Variants in MIA2 observed in about 807,000 individuals in gnomAD.
The protein encoded by MIA2 is MIA SH3 domain ER export factor 2.
MIA2 carries 127 observed loss-of-function variants against 167.8 expected under a neutral mutation model. That is an observed-to-expected ratio of 0.76 (90% CI 0.66 to 0.88). The LOEUF (loss-of-function observed/expected upper bound fraction) is 0.88, where lower values mean the gene tolerates loss of function less well. Ranked by LOEUF, MIA2 falls within the 40% of genes least tolerant of loss-of-function variation. The pLI is 0.00. For synonymous variants in MIA2, 552 were observed against 541.9 expected (o/e 1.02, Z -0.26); for missense variants, 1,690 against 1,624.7 (o/e 1.04, Z -0.69).
intron 9 of MIA2, among the ~76,000 whole-genome samples, chr14:39,281,243 ACT>A (rs1220830990): frequency 4.0e-5 from 6 of 151,176 alleles, no homozygotes; most frequent in African/African-American, 9.7e-5. Context: ...GTTTTGAAAC[ACT>A]CTTGATTGTT....
At chr14:39,278,463 G>GT (rs2058481851) in intron 7 of MIA2, among the ~76,000 whole-genome samples, 1 of 152,010 alleles carries the variant, frequency 6.6e-6, no homozygotes, top group African/African-American at 2.4e-5. Context: ...TCTTTTAAAG[G>GT]TTTTCCCTTT....
At chr14:39,241,588 G>A (rs2054041077) in intron 3 of MIA2, among the ~76,000 whole-genome samples, 1 of 152,196 alleles carries the variant, frequency 6.6e-6, no homozygotes, top group Non-Finnish European at 1.5e-5. Flanking sequence ...ACCAATGGCT[G>A]GGACTACAGG....
In MIA2 at chr14:39,386,136, A is replaced by C; in HGVS notation, c.2249-749A>C. On this transcript the variant is annotated intron_variant, in intron 23 of 23. Coordinates refer to the MIA2 transcript ENST00000341502. Reference sequence around the variant, plus strand: ...TCAAGCATTGGTCATCTGACTCTGAACTAGAGTCTGAAATAGGAAGATGTT... The same window carrying C: ...TCAAGCATTGGTCATCTGACTCTGACCTAGAGTCTGAAATAGGAAGATGTT... The C allele has an allele frequency of 2.3e-6, 3 of 1,320,260 alleles. No homozygotes were observed. In the Admixed American group the frequency reaches 5.1e-5, roughly 23 times the overall value. The allele number at this position is 1,320,260 out of a possible 1,614,324, so 81.8% of individuals were successfully genotyped here.
intron 23 of MIA2, among the ~76,000 whole-genome samples, chr14:39,376,346 CATG>C (rs1399788120): frequency 1.3e-5 from 2 of 152,246 alleles, no homozygotes. Context: ...ATGAGTTTAA[CATG>C]ATAAATTATT....
intron 25 of MIA2, among the ~76,000 whole-genome samples, chr14:39,336,995 G>A (rs1196420112): frequency 6.6e-6 from 1 of 152,048 alleles, no homozygotes; most frequent in African/African-American, 2.4e-5. Flanking sequence ...GCCTCAGGTG[G>A]TCCTCCCTCC....
chr14:39,336,363 A>G (rs1384821347), intron 25 of MIA2, among the ~76,000 whole-genome samples: 4 of 152,226 alleles, frequency 2.6e-5, no homozygotes, highest in Non-Finnish European at 1.5e-5. Context: ...AGGTTTTATT[A>G]GCAAGTATAC....
rs148909883 is a variant in MIA2 at position 39,335,259 on chromosome 14, A to C, written c.3655+8237A>C. On this transcript the variant is annotated intron_variant, in intron 25 of 28. Coordinates refer to ENST00000640607, the MANE Select transcript of MIA2 (RefSeq NM_001329214.4). ...TAAAATATTTTAGTTTAAAATACTT[A>C]TGTTAAAAAAATATGACAACTAAAA... Among the ~76,000 whole-genome samples the C allele has an allele frequency of 2.8e-4, 43 of 152,284 alleles. No homozygotes were observed. The East Asian group carries it at 7.7e-3, about 27-fold the overall frequency.
intron 3 of MIA2, among the ~76,000 whole-genome samples, chr14:39,242,564 C>A (rs982664888): frequency 6.6e-6 from 1 of 151,700 alleles, no homozygotes; most frequent in Non-Finnish European, 1.5e-5. Flanking sequence ...CTCAAGTGAT[C>A]CACTTGCCTC....
rs773325545 is a variant in MIA2, at chr14:39,304,400, T to TA, written c.2878+20dup. On this transcript the variant is annotated intron_variant, in intron 17 of 28. Transcript: ENST00000640607. ...CTTACAGGTAGGTCATTGACATACA[T>TA]ACTTTTAATGTTTTTCTAAGTAAGT... is the stretch of plus-strand genomic sequence containing the variant. 8 of 1,341,146 alleles carry TA rather than the reference T, an allele frequency of 6.0e-6. No homozygotes were observed. The African/African-American group carries it at 1.1e-4, about 18-fold the overall frequency. 83.1% of individuals were successfully genotyped at this position (1,341,146 alleles called of 1,614,324 possible). A position where few individuals can be genotyped will look rare whatever the true frequency, so the allele number is the denominator to read the frequency against.
chr14:39,286,028 C>T (rs1477153015), intron 9 of MIA2, among the ~76,000 whole-genome samples: 3 of 152,240 alleles, frequency 2.0e-5, no homozygotes, highest in Non-Finnish European at 2.9e-5. Context: ...ACGCTCTTCA[C>T]TTCCCAGACG....
chr14:39,291,352 A>G (rs1441365513), intron 10 of MIA2, among the ~76,000 whole-genome samples: 1 of 152,156 alleles, frequency 6.6e-6, no homozygotes, highest in East Asian at 1.9e-4. Flanking sequence ...AGGAATCAGG[A>G]GCTGTATAGA....
chr14:39,297,672 T>TGTGTGTGTGTGTGC (rs1164818041), intron 13 of MIA2, among the ~76,000 whole-genome samples: 13 of 150,542 alleles, frequency 8.6e-5, no homozygotes. Flanking sequence ...TTTGCGTGTG[T>TGTGTGTGTGTGTGC]GTGTGTGTGT....
rs1340837068 is a variant in MIA2 at position 39,313,419 on chromosome 14, A to G, written c.3097A>G (p.Thr1033Ala). 1.9e-6 allele frequency: 3 copies of G among 1,602,332 alleles called. No individual in the cohort carries two copies. The highest frequency in any genetic ancestry group is 2.6e-6 in the Non-Finnish European group (3 of 1,174,302). ...SKVDEKISHA[T>A]EELETYRKRA... ...AGTAGATGAAAAGATCAGCCATGCC[A>G]CTGAAGAGCTGGAGACCTATAGGTA... is the stretch of plus-strand genomic sequence containing the variant. Residue 1033 changes from threonine (T) to alanine (A), a missense_variant, in exon 19 of 29, where the codon ACT (threonine) becomes GCT (alanine). Physicochemically the swap from Thr to Ala is moderately conservative, Grantham distance 58 (BLOSUM62 0). Coordinates refer to ENST00000640607, the MANE Select transcript of MIA2 (RefSeq NM_001329214.4).
chr14:39,338,003 G>A (rs140029486), intron 25 of MIA2, among the ~76,000 whole-genome samples: 157 of 152,222 alleles, frequency 1.0e-3, no homozygotes, highest in Non-Finnish European at 1.6e-3. Context: ...GATTACAGGC[G>A]TGAGCCACTG....
chr14:39,277,479 T>C (rs549680052), intron 7 of MIA2, among the ~76,000 whole-genome samples: 1 of 151,038 alleles, frequency 6.6e-6, no homozygotes, highest in African/African-American at 2.4e-5. Context: ...TGAGCCATGG[T>C]TGTGACACTG....
chr14:39,243,751 A>G (rs1284150811), intron 3 of MIA2, among the ~76,000 whole-genome samples: 1 of 152,296 alleles, frequency 6.6e-6, no homozygotes, highest in South Asian at 2.1e-4. Flanking sequence ...CTGTTTTCCC[A>G]GCTACTTGGG....
At chr14:39,348,614 T>C in intron 27 of MIA2, 129 bp from the exon 28 acceptor site, 2 of 1,333,822 alleles carry the variant, frequency 1.5e-6, no homozygotes, top group Middle Eastern at 1.9e-4. Context: ...GTTTGAATCT[T>C]TCTCTAGAGC....
intron 6 of MIA2, among the ~76,000 whole-genome samples, chr14:39,275,034 C>T (rs1161882805): frequency 1.3e-5 from 2 of 148,398 alleles, no homozygotes; most frequent in Admixed American, 6.7e-5. Flanking sequence ...TACACGGTGC[C>T]GCTGTACTCC....
intron 14 of MIA2, among the ~76,000 whole-genome samples, chr14:39,301,177 C>T (rs1321546178): frequency 1.3e-5 from 2 of 152,048 alleles, no homozygotes; most frequent in Non-Finnish European, 2.9e-5. Flanking sequence ...TCTGCTGCCT[C>T]AGCCTCCTGA....
Sources: allele counts gnomAD v4.1 joint callset (sites outside exome capture counted in the v4.1 genomes callset), GRCh38; gene constraint gnomAD v4.1.1; transcripts MANE v1.5; gene names NCBI Gene and HGNC (gene_info 2026-07-23, HGNC 2026-07-21).